ZFP62: variants seen among roughly 807,000 people sequenced by gnomAD.
ZFP62 encodes the protein zinc finger protein 62 homolog.
In ZFP62, 44 loss-of-function variants were observed where a neutral mutation model predicts 56.4. The observed-to-expected ratio is 0.78, with a 90% CI of 0.61 to 1.00. The LOEUF is 1.00. ZFP62 is among the 50% of genes least tolerant of loss of function. The pLI, the probability that ZFP62 is intolerant of heterozygous loss-of-function variation, is 0.00. For missense variants in ZFP62, 1,030 were observed against 1,085.7 expected, an observed-to-expected ratio of 0.95 and a Z score of 0.72; for synonymous variants, 421 against 388.9, an observed-to-expected ratio of 1.08 and a Z score of -0.97.
the ZFP62 span, chr5:180,835,816 A>G: frequency 1.3e-5 from 2 of 152,228 alleles, no homozygotes; most frequent in African/African-American, 2.4e-5. Context: ...ATGAAACTTT[A>G]TTTGAAATTC....
chr5:180,835,066 A>G, the ZFP62 span: 1 of 152,292 alleles, frequency 6.6e-6, no homozygotes, highest in Non-Finnish European at 1.5e-5. Flanking sequence ...TCAGAACTCT[A>G]AGAAAGAAAT....
In ZFP62 at chr5:180,849,886, C is replaced by G. The variant is rs373235100; in HGVS notation, c.1609G>C (p.Glu537Gln). ...HTREKPFGCD[E>Q]CGKAFRNNSG... ...TTATTTCTGAAAGCTTTACCACACT[C>G]ATCACACCCAAAGGGTTTTTCCCTG... Residue 537 changes from glutamate (E) to glutamine (Q), a missense_variant, in exon 2 of 2, where the codon GAG becomes CAG. Coordinates refer to ENST00000502412, the MANE Select transcript of ZFP62 (RefSeq NM_001172638.2). The G allele has an allele frequency of 6.4e-7, 1 of 1,551,738 alleles. No homozygotes were observed. Among genetic ancestry groups the G allele is most frequent in the South Asian group, 1.2e-5 (1 of 84,056 alleles).
chr5:180,846,507 G>C (rs1235638296), downstream of ZFP62, among the ~76,000 whole-genome samples: 1 of 152,158 alleles, frequency 6.6e-6, no homozygotes, highest in Non-Finnish European at 1.5e-5. Flanking sequence ...AGTACTCCAT[G>C]GCACCCTCCT....
In ZFP62 at chr5:180,851,031, C is replaced by T. The variant is rs765194069; in HGVS notation, c.464G>A (p.Arg155His). 40 of 1,551,476 alleles carry T rather than the reference C, an allele frequency of 2.6e-5. No individual in the cohort carries two copies. Among genetic ancestry groups the T allele is most frequent in the South Asian group, 2.3e-4 (19 of 84,052 alleles). ...ECGKSFKYNS[R>H]LVQHKIMHTG... ...GTGCATAATTTTATGTTGAACAAGG[C>T]GGGAATTATATTTGAAGGATTTCCC... Residue 155 changes from arginine to histidine, a missense_variant, in exon 2 of 2, where the codon CGC (arginine) becomes CAC (histidine). By Grantham distance (29) the Arg-to-His change is conservative (BLOSUM62 0). Coordinates refer to ENST00000502412, the MANE Select transcript of ZFP62 (RefSeq NM_001172638.2).
the ZFP62 span, among the ~76,000 whole-genome samples, chr5:180,842,286 GAA>G: frequency 6.6e-6 from 1 of 151,960 alleles, no homozygotes; most frequent in Non-Finnish European, 1.5e-5. Context: ...AGAAGGAAAT[GAA>G]AAAAGAATGG....
intron 1 of ZFP62, 123 bp downstream of exon 1, chr5:180,861,096 G>A (rs1405806169): frequency 7.5e-6 from 3 of 397,836 alleles, no homozygotes; most frequent in African/African-American, 2.1e-5. Context: ...GTGCGGGGAG[G>A]GGGCACGCTT....
At chr5:180,857,609 T>A (rs764503032) in intron 1 of ZFP62, among the ~76,000 whole-genome samples, 1 of 152,156 alleles carries the variant, frequency 6.6e-6, no homozygotes, top group Non-Finnish European at 1.5e-5. Context: ...GCGATTCTCC[T>A]GCCTCAGCCT....
chr5:180,857,194 G>C (rs771188327), intron 1 of ZFP62, among the ~76,000 whole-genome samples: 6 of 152,078 alleles, frequency 3.9e-5, no homozygotes, highest in Non-Finnish European at 8.8e-5. Flanking sequence ...TCGGGCAAAG[G>C]AGTAGCAAAC....
intron 1 of ZFP62, among the ~76,000 whole-genome samples, chr5:180,852,598 C>T (rs111890266): frequency 0.041 from 6,222 of 150,360 alleles, 383 homozygotes; most frequent in African/African-American, 0.13. Flanking sequence ...CCATTCTTCA[C>T]ACCATACACA....
chr5:180,855,888 CACCT>C (rs1773941750), intron 1 of ZFP62, among the ~76,000 whole-genome samples: 1 of 152,194 alleles, frequency 6.6e-6, no homozygotes, highest in African/African-American at 2.4e-5. Context: ...GTAAAATGCA[CACCT>C]AGTCACTGGG....
At chr5:180,846,279 G>A (rs1773409663), downstream of ZFP62, among the ~76,000 whole-genome samples, 2 of 152,174 alleles carry the variant, frequency 1.3e-5, no homozygotes, top group Non-Finnish European at 2.9e-5. Flanking sequence ...TGGGGCTGAG[G>A]CACTCAGAAT....
chr5:180,849,287 T>A lies in ZFP62; in HGVS notation c.2208A>T (p.Lys736Asn), dbSNP rs1040699330. ...EKPFKCVECGKSFSYSSLLSQ... is the reference protein window; with the variant it reads ...EKPFKCVECGNSFSYSSLLSQ... ...AAAGGAGAGAGCTGTAACTGAAAGA[T>A]TTCCCACACTCAACACACTTGAAGG... The change falls in exon 2 of 2, where the codon AAA becomes AAT. Residue 736 changes from lysine (K) to asparagine (N), a missense_variant. Lys to Asn is a moderately conservative substitution (Grantham distance 94, BLOSUM62 0). Coordinates refer to ENST00000502412, the MANE Select transcript of ZFP62 (RefSeq NM_001172638.2). 50 of 1,552,798 alleles carry A rather than the reference T, an allele frequency of 3.2e-5. No individual in the cohort carries two copies. Among genetic ancestry groups the A allele is most frequent in the Non-Finnish European group, 4.0e-5 (46 of 1,147,596 alleles).
downstream of ZFP62, among the ~76,000 whole-genome samples, chr5:180,844,199 C>T (rs866027350): frequency 6.6e-6 from 1 of 152,204 alleles, no homozygotes; most frequent in Admixed American, 6.5e-5. Context: ...AATTTAACAA[C>T]GTTTGTACAA....
At chr5:180,840,963 G>A in the ZFP62 span, among the ~76,000 whole-genome samples, 1 of 152,024 alleles carries the variant, frequency 6.6e-6, no homozygotes, top group Non-Finnish European at 1.5e-5. Context: ...AAAGAAGGAC[G>A]CTGGAACCTA....
At position 180,861,202 on chromosome 5, in the gene ZFP62, G is replaced by A. The variant is rs1756068229; in HGVS notation, c.1+17C>T. 5.0e-6 allele frequency: 2 copies of A among 398,200 alleles called. No homozygotes were observed. The highest frequency in any genetic ancestry group is 2.1e-5 in the African/African-American group (1 of 48,612). 24.7% of individuals were successfully genotyped at this position (398,200 alleles called of 1,614,324 possible). A position where few individuals can be genotyped will look rare whatever the true frequency, so the allele number is the denominator to read the frequency against. On this transcript the variant is annotated intron_variant, in intron 1 of 1. Coordinates refer to ENST00000502412, the MANE Select transcript of ZFP62 (RefSeq NM_001172638.2). ...AGGGCCGGGGGCGGGAGCGCGGGCGGCCGCGGACTCACGTACTGGCTGTGG... is the reference window on the plus strand; with the variant it reads ...AGGGCCGGGGGCGGGAGCGCGGGCGACCGCGGACTCACGTACTGGCTGTGG...
In ZFP62 at chr5:180,850,903, T is replaced by C. The variant is rs753781535; in HGVS notation, c.592A>G (p.Lys198Glu). Residue 198 changes from lysine to glutamate, a missense_variant, in exon 2 of 2, where the codon AAG becomes GAG. By Grantham distance (56) the Lys-to-Glu change is moderately conservative. Coordinates refer to ENST00000502412, the MANE Select transcript of ZFP62 (RefSeq NM_001172638.2). ...KRIHTGEKPYKCEECGKAYMS... is the reference protein window; with the variant it reads ...KRIHTGEKPYECEECGKAYMS... ...TAGGCTTTCCCACATTCCTCACACT[T>C]GTACGGCTTCTCCCCAGTGTGGATC... The C allele has an allele frequency of 6.4e-7, 1 of 1,564,814 alleles. No individual in the cohort carries two copies. Among genetic ancestry groups the C allele is most frequent in the Non-Finnish European group, 8.7e-7 (1 of 1,155,120 alleles).
In ZFP62 at chr5:180,849,511, C is replaced by G. The variant is rs1773563648; in HGVS notation, c.1984G>C (p.Val662Leu). 1.3e-6 allele frequency: 2 copies of G among 1,552,108 alleles called. No homozygotes were observed. The highest frequency in any genetic ancestry group is 1.7e-6 in the Non-Finnish European group (2 of 1,147,106). Reference sequence around the variant, plus strand: ...TCCCCAGTATGGATTCTTTTATGAACTTTAAGGCTTGAGTTGTTTCTGAAG... The same window carrying G: ...TCCCCAGTATGGATTCTTTTATGAAGTTTAAGGCTTGAGTTGTTTCTGAAG... The part of the protein sequence containing the change: ...KVFRNNSSLK[V>L]HKRIHTGERP... Residue 662 changes from valine (V) to leucine (L), a missense_variant, in exon 2 of 2, where the codon GTT (valine) becomes CTT (leucine). Coordinates refer to ENST00000502412, the MANE Select transcript of ZFP62 (RefSeq NM_001172638.2).
In ZFP62 at chr5:180,849,708, T is replaced by C. The variant is rs1272504727; in HGVS notation, c.1787A>G (p.Lys596Arg). 1.3e-6 allele frequency: 2 copies of C among 1,551,850 alleles called. No homozygotes were observed. Among genetic ancestry groups the C allele is most frequent in the East Asian group, 4.9e-5 (2 of 40,930 alleles). Reference sequence around the variant, plus strand: ...AAGGGTTCGGTATGTGATGAAGGCCTTCTCACACTCGTCACACTTAAAGGG... The same window carrying C: ...AAGGGTTCGGTATGTGATGAAGGCCCTCTCACACTCGTCACACTTAAAGGG... ...EKPFKCDECEKAFITYRTLTN... is the reference protein window; with the variant it reads ...EKPFKCDECERAFITYRTLTN... The change falls in exon 2 of 2, where the codon AAG becomes AGG. Residue 596 changes from lysine (K) to arginine (R), a missense_variant. Physicochemically the swap from Lys to Arg is conservative, Grantham distance 26. Transcript: ENST00000502412.
the ZFP62 span, among the ~76,000 whole-genome samples, chr5:180,832,395 C>G: frequency 9.9e-5 from 15 of 152,200 alleles, no homozygotes; most frequent in Admixed American, 7.9e-4. Context: ...CCCAGCAGTC[C>G]TCCTGCCTTG....
Sources: allele counts gnomAD v4.1 joint callset (sites outside exome capture counted in the v4.1 genomes callset), GRCh38; gene constraint gnomAD v4.1.1; transcripts MANE v1.5; gene names NCBI Gene and HGNC (gene_info 2026-07-23, HGNC 2026-07-21).